The following XRRA1 variants were observed in gnomAD, a reference collection of about 807,000 sequenced individuals.
XRRA1 encodes the protein X-ray radiation resistance associated 1.
XRRA1 carries 69 observed loss-of-function variants against 80.2 expected under a neutral mutation model. That is an observed-to-expected ratio of 0.86 (90% CI 0.71 to 1.05). The LOEUF is 1.05. XRRA1 is among the 50% of genes least tolerant of loss of function. XRRA1 has a pLI of 0.00. For synonymous variants in XRRA1, 348 were observed against 389.9 expected, an observed-to-expected ratio of 0.89 and a Z score of 1.27; for missense variants, 967 against 976.4, an observed-to-expected ratio of 0.99 and a Z score of 0.13.
chr11:74,894,041 T>C (rs530503189), intron 10 of XRRA1, among the ~76,000 whole-genome samples: 2 of 152,294 alleles, frequency 1.3e-5, no homozygotes, highest in African/African-American at 4.8e-5. Context: ...TGTACATATT[T>C]TGGTGTGATA....
At chr11:74,902,875 C>G (rs2053830014) in intron 10 of XRRA1, among the ~76,000 whole-genome samples, 2 of 151,840 alleles carry the variant, frequency 1.3e-5, no homozygotes, top group African/African-American at 4.8e-5. Context: ...GGACTATAGT[C>G]AATAATACTT....
chr11:74,866,136 G>A (rs909130135), intron 10 of XRRA1, among the ~76,000 whole-genome samples: 3 of 152,150 alleles, frequency 2.0e-5, no homozygotes, highest in Non-Finnish European at 2.9e-5. Flanking sequence ...GAAATATGAC[G>A]TCACCAAACA....
intron 10 of XRRA1, among the ~76,000 whole-genome samples, chr11:74,885,115 T>G (rs1735047220): frequency 6.6e-6 from 1 of 151,874 alleles, no homozygotes; most frequent in Non-Finnish European, 1.5e-5. Context: ...TATCAAAAAA[T>G]TAGCTGGGTA....
intron 15 of XRRA1, among the ~76,000 whole-genome samples, chr11:74,847,354 G>A (rs1184211258): frequency 2.0e-5 from 3 of 152,110 alleles, no homozygotes; most frequent in Admixed American, 6.5e-5. Flanking sequence ...GAGAGGGATG[G>A]TACAGTAATA....
Position 74,848,452 on chromosome 11 carries a change from T to G in XRRA1, c.1391A>C (p.Glu464Ala). 1 of 1,607,580 alleles carries G rather than the reference T, an allele frequency of 6.2e-7. No homozygotes were observed. Among genetic ancestry groups the G allele is most frequent in the South Asian group, 1.1e-5 (1 of 90,670 alleles). Reference protein sequence around the residue: ...SRKESWKVKSEIPKVPKQPLV... With the variant: ...SRKESWKVKSAIPKVPKQPLV... ...AGGCTGCTTCGGCACCTTTGGGATT[T>G]CGCTTTTCACCTGTCATGGAGAAGG... Residue 464 changes from glutamate (E) to alanine (A), a missense_variant, in exon 15 of 19, where the codon GAA becomes GCA. Physicochemically the swap from Glu to Ala is moderately radical, Grantham distance 107. Coordinates refer to ENST00000684022, the MANE Select transcript of XRRA1 (RefSeq NM_001378157.1).
chr11:74,919,260 T>C (rs944425880), intron 8 of XRRA1, among the ~76,000 whole-genome samples: 3 of 152,182 alleles, frequency 2.0e-5, no homozygotes, highest in Admixed American at 2.0e-4. Flanking sequence ...CTGAGATTTT[T>C]CTTCAGAATA....
intron 10 of XRRA1, among the ~76,000 whole-genome samples, chr11:74,883,714 C>T (rs1424715360): frequency 6.6e-6 from 1 of 151,936 alleles, no homozygotes; most frequent in Non-Finnish European, 1.5e-5. Context: ...TGCTGTTCCC[C>T]ACATGATGCC....
At position 74,841,436 on chromosome 11, in the gene XRRA1, T is replaced by C. The variant is rs569002314; in HGVS notation, c.*1764A>G. 3 of 152,310 alleles carry C rather than the reference T, an allele frequency of 2.0e-5. No individual in the cohort carries two copies. The highest frequency in any genetic ancestry group is 7.2e-5 in the African/African-American group (3 of 41,576). The allele number at this position is 152,310 out of a possible 1,614,324, so 9.4% of individuals were successfully genotyped here. A position where few individuals can be genotyped will look rare whatever the true frequency, so the allele number is the denominator to read the frequency against. On this transcript the variant is annotated 3_prime_UTR_variant, in exon 19 of 19. Coordinates refer to ENST00000684022, the MANE Select transcript of XRRA1 (RefSeq NM_001378157.1). ...AGATTGTAGAAAAGAGACTAAGATATATGCAAGGGTCACCAGTTTAGAGAT... is the reference window on the plus strand; with the variant it reads ...AGATTGTAGAAAAGAGACTAAGATACATGCAAGGGTCACCAGTTTAGAGAT...
intron 10 of XRRA1, among the ~76,000 whole-genome samples, chr11:74,880,412 G>C (rs2047232912): frequency 1.3e-5 from 2 of 151,278 alleles, no homozygotes; most frequent in Admixed American, 6.6e-5. Context: ...CAAAAAACCA[G>C]CTCCTGGATT....
intron 10 of XRRA1, among the ~76,000 whole-genome samples, chr11:74,867,756 C>T (rs2043766587): frequency 1.3e-5 from 2 of 152,008 alleles, no homozygotes; most frequent in African/African-American, 4.8e-5. Context: ...AGAAGACCAT[C>T]CCCAAGAAAC....
chr11:74,937,221 T>G (rs977824514), intron 3 of XRRA1, among the ~76,000 whole-genome samples, 153 bp from the exon 4 acceptor site: 1 of 152,104 alleles, frequency 6.6e-6, no homozygotes, highest in Non-Finnish European at 1.5e-5. Context: ...AGGGGAGATA[T>G]CTACCTATCT....
At chr11:74,901,331 G>T (rs1207562973) in intron 10 of XRRA1, among the ~76,000 whole-genome samples, 1 of 152,138 alleles carries the variant, frequency 6.6e-6, no homozygotes, top group African/African-American at 2.4e-5. Flanking sequence ...TTCATGGATT[G>T]GAGGAATCAA....
intron 10 of XRRA1, among the ~76,000 whole-genome samples, chr11:74,885,838 A>G (rs2048883814): frequency 1.3e-5 from 2 of 152,214 alleles, no homozygotes; most frequent in Non-Finnish European, 2.9e-5. Flanking sequence ...AATCAAATCC[A>G]GCAGCACATC....
intron 10 of XRRA1, among the ~76,000 whole-genome samples, chr11:74,881,812 C>A (rs1326565046): frequency 6.7e-6 from 1 of 149,372 alleles, no homozygotes; most frequent in Non-Finnish European, 1.5e-5. Context: ...AAATTCTTTT[C>A]TTTAAGAATG....
At chr11:74,935,231 T>G (rs1335307628) in intron 4 of XRRA1, among the ~76,000 whole-genome samples, 1 of 152,216 alleles carries the variant, frequency 6.6e-6, no homozygotes, top group Non-Finnish European at 1.5e-5. Flanking sequence ...GATGTTATAT[T>G]CTGTATGTGA....
intron 4 of XRRA1, 121 bp downstream of exon 4, chr11:74,936,763 A>G (rs565066767): frequency 2.0e-4 from 251 of 1,279,388 alleles, no homozygotes; most frequent in Admixed American, 4.6e-4. Flanking sequence ...CAATTTGCCA[A>G]TATCACTCTA....
intron 3 of XRRA1, among the ~76,000 whole-genome samples, chr11:74,940,527 G>A (rs1348169652): frequency 6.6e-6 from 1 of 152,210 alleles, no homozygotes; most frequent in Non-Finnish European, 1.5e-5. Context: ...TATCACAGAG[G>A]ATAAGAGCAG....
intron 13 of XRRA1, 59 bp downstream of exon 13, chr11:74,851,930 G>C (rs879271823): frequency 2.8e-6 from 4 of 1,428,318 alleles, no homozygotes; most frequent in Non-Finnish European, 4.0e-6. Flanking sequence ...TGGGGATGAG[G>C]GTGCCACACT....
intron 9 of XRRA1, 85 bp downstream of exon 9, chr11:74,907,060 C>A: frequency 1.3e-6 from 2 of 1,566,374 alleles, no homozygotes; most frequent in South Asian, 2.4e-5. Context: ...TAAACCCAAA[C>A]CTTTTGGCTT....
Sources: gnomAD v4.1 joint callset for allele counts (sites outside exome capture counted in the v4.1 genomes callset) on GRCh38, gnomAD v4.1.1 for gene constraint, MANE v1.5 for transcripts, NCBI Gene and HGNC (gene_info 2026-07-23, HGNC 2026-07-21) for gene names.